Variants in ADCY1 observed in about 807,000 individuals in gnomAD.
ADCY1 encodes adenylate cyclase 1, also known as adenylate cyclase type 1.
In ADCY1, 28 loss-of-function variants were observed where a neutral mutation model predicts 105.4. The observed-to-expected ratio is 0.27, with a 90% CI of 0.20 to 0.36. ADCY1 has a LOEUF of 0.36. ADCY1 is among the 10% of genes least tolerant of loss of function. The pLI is 1.00. For synonymous variants in ADCY1, 655 were observed against 623.8 expected (o/e 1.05, Z -0.75); for missense variants, 977 against 1,434.2 (o/e 0.68, Z 5.15).
intron 3 of ADCY1, among the ~76,000 whole-genome samples, chr7:45,621,624 C>A (rs140629223): frequency 6.6e-6 from 1 of 152,294 alleles, no homozygotes; most frequent in Non-Finnish European, 1.5e-5. Context: ...GGATAGTTCC[C>A]TTGGAGTCCA....
At chr7:45,658,011 C>CA in intron 6 of ADCY1, 126 bp downstream of exon 6, 2 of 1,116,730 alleles carry the variant, frequency 1.8e-6, no homozygotes, top group Non-Finnish European at 2.5e-6. Context: ...CCTGGAGGAG[C>CA]CTGCCTGTCC....
chr7:45,711,926 TTA>T (rs1350087882), intron 19 of ADCY1, among the ~76,000 whole-genome samples: 1 of 121,468 alleles, frequency 8.2e-6, no homozygotes, highest in Non-Finnish European at 1.6e-5. Flanking sequence ...ATATTATATA[TTA>T]TATTAAATAT....
chr7:45,710,387 G>A lies in ADCY1; in HGVS notation c.2933-141G>A. On this transcript the variant is annotated intron_variant, in intron 18 of 19. Coordinates refer to ENST00000297323, the MANE Select transcript of ADCY1 (RefSeq NM_021116.4). The surrounding 1 kb of genome is among the most constrained non-coding windows in gnomAD (Gnocchi z 4.7). ...GTGATGCTTCAGGAAGGAGCCTGGT[G>A]CTAGGTGACCCCAGGAAACAAAGCC... The A allele has an allele frequency of 8.1e-7, 1 of 1,236,086 alleles. No individual in the cohort carries two copies. Among genetic ancestry groups the A allele is most frequent in the Non-Finnish European group, 1.1e-6 (1 of 897,456 alleles). The allele number at this position is 1,236,086 out of a possible 1,614,324, so 76.6% of individuals were successfully genotyped here. A position where few individuals can be genotyped will look rare whatever the true frequency, so the allele number is the denominator to read the frequency against.
chr7:45,679,533 A>G (rs993499896), intron 10 of ADCY1, among the ~76,000 whole-genome samples, 176 bp from the exon 11 acceptor site: 1 of 152,208 alleles, frequency 6.6e-6, no homozygotes, highest in Non-Finnish European at 1.5e-5. Context: ...GCCCTAAAAA[A>G]TAGAACCAGC....
At chr7:45,702,245 C>T (rs1015302633) in intron 14 of ADCY1, among the ~76,000 whole-genome samples, 16 of 152,214 alleles carry the variant, frequency 1.1e-4, no homozygotes, top group Non-Finnish European at 1.6e-4. Flanking sequence ...AACTAAGGGG[C>T]ATGCTGTCCC....
At chr7:45,576,663 C>T (rs1792356768) in intron 1 of ADCY1, among the ~76,000 whole-genome samples, 1 of 152,138 alleles carries the variant, frequency 6.6e-6, no homozygotes, top group Non-Finnish European at 1.5e-5. Context: ...CCTTATCAGT[C>T]TCAGGGGGCA....
chr7:45,663,301 G>A (rs555014164), intron 8 of ADCY1, among the ~76,000 whole-genome samples: 1 of 152,358 alleles, frequency 6.6e-6, no homozygotes, highest in Non-Finnish European at 1.5e-5. Flanking sequence ...TGCATGTGCC[G>A]TCTGTGACCT....
At chr7:45,654,599 G>A (rs972720885) in intron 5 of ADCY1, among the ~76,000 whole-genome samples, 26 of 152,198 alleles carry the variant, frequency 1.7e-4, no homozygotes, top group African/African-American at 5.8e-4. Context: ...TTAACAAGGG[G>A]GCTAGTGTGT....
intron 2 of ADCY1, among the ~76,000 whole-genome samples, chr7:45,593,317 G>A (rs981514826): frequency 2.2e-4 from 34 of 152,350 alleles, no homozygotes; most frequent in African/African-American, 7.9e-4. Flanking sequence ...CGACCCCAGA[G>A]CACGCTGGCA....
At chr7:45,636,357 G>A (rs1794398254) in intron 4 of ADCY1, among the ~76,000 whole-genome samples, 1 of 152,166 alleles carries the variant, frequency 6.6e-6, no homozygotes, top group Non-Finnish European at 1.5e-5. Context: ...TATGTAAATA[G>A]TTGTTATGCT....
In ADCY1 at chr7:45,689,769, G is replaced by A. The variant is rs532737087; in HGVS notation, c.2454+3096G>A. Among the ~76,000 whole-genome samples, 17 of 152,338 alleles carry A rather than the reference G, an allele frequency of 1.1e-4. No homozygotes were observed. In the South Asian group the frequency reaches 1.7e-3, roughly 15 times the overall value. ...TCCTCACGCCAGAAGGCCTGACTGCGGCCACAGTGGGTTTGAGAGGAAGCA... is the reference window on the plus strand; with the variant it reads ...TCCTCACGCCAGAAGGCCTGACTGCAGCCACAGTGGGTTTGAGAGGAAGCA... On this transcript the variant is annotated intron_variant, in intron 14 of 19. Coordinates refer to ENST00000297323, the MANE Select transcript of ADCY1 (RefSeq NM_021116.4).
chr7:45,680,307 T>C (rs939390483), intron 11 of ADCY1: 3 of 194,318 alleles, frequency 1.5e-5, no homozygotes, highest in African/African-American at 6.9e-5. Context: ...TCCAGGTACA[T>C]TGTGCTATCT....
In ADCY1 at chr7:45,710,525, T is replaced by C; in HGVS notation, c.2933-3T>C. 6.2e-7 allele frequency: 1 copy of C among 1,613,644 alleles called. No homozygotes were observed. The highest frequency in any genetic ancestry group is 8.5e-7 in the Non-Finnish European group (1 of 1,179,800). On this transcript the variant is annotated splice_polypyrimidine_tract_variant and splice_region_variant and intron_variant, in intron 18 of 19. Coordinates refer to ENST00000297323, the MANE Select transcript of ADCY1 (RefSeq NM_021116.4). The surrounding 1 kb of genome is among the most constrained non-coding windows in gnomAD (Gnocchi z 4.7). ...GACAGGTCATGCGCTGGCTGTTTTC[T>C]AGGCATCAATGTTGGCCCTGTGGTG...
intron 1 of ADCY1, among the ~76,000 whole-genome samples, chr7:45,576,828 CCCTGGGCAGGCCCAGGGATCCCAA>C (rs935357086): frequency 4.1e-4 from 63 of 152,260 alleles, no homozygotes; most frequent in Middle Eastern, 6.8e-3. Flanking sequence ...TGAGCTTGGT[CCCTGGGCAGGCCCAGGGATCCCAA>C]CCACACTGCA....
At chr7:45,630,082 C>G (rs542326322) in intron 4 of ADCY1, among the ~76,000 whole-genome samples, 1 of 152,244 alleles carries the variant, frequency 6.6e-6, no homozygotes, top group East Asian at 1.9e-4. Context: ...GGTGAAGTGT[C>G]TGTTGAAACC....
At chr7:45,636,866 T>G (rs1794410144) in intron 4 of ADCY1, among the ~76,000 whole-genome samples, 1 of 152,212 alleles carries the variant, frequency 6.6e-6, no homozygotes, top group Non-Finnish European at 1.5e-5. Flanking sequence ...ATTTGAAGTT[T>G]GTTCTTAGTT....
In ADCY1 at chr7:45,622,719, C is replaced by T. The variant is rs562336994; in HGVS notation, c.996C>T (p.Phe332=). 10 of 1,609,890 alleles carry T rather than the reference C, an allele frequency of 6.2e-6. No homozygotes were observed. The highest frequency in any genetic ancestry group is 5.5e-5 in the South Asian group (5 of 90,186). The part of the protein sequence containing the change: ...QELVKLLNEL[F]GKFDELATEN... ...TGGTGAAACTCCTCAATGAGCTCTT[C>T]GGCAAGTTCGATGAATTAGCCACGG... Residue 332 remains phenylalanine, a synonymous_variant, in exon 4 of 20, where the codon TTC becomes TTT. Coordinates refer to ENST00000297323, the MANE Select transcript of ADCY1 (RefSeq NM_021116.4).
At chr7:45,654,982 G>A (rs1316879836) in intron 5 of ADCY1, among the ~76,000 whole-genome samples, 2 of 152,200 alleles carry the variant, frequency 1.3e-5, no homozygotes, top group Admixed American at 1.3e-4. Flanking sequence ...GGAGGCTGCT[G>A]CAGGCGTGTG....
chr7:45,659,834 T>C lies in ADCY1; in HGVS notation c.1308-208T>C, dbSNP rs11976730. Among the ~76,000 whole-genome samples the C allele has an allele frequency of 0.016, 2,460 of 152,330 alleles. 56 individuals are homozygous for C. Among genetic ancestry groups the C allele is most frequent in the African/African-American group, 0.057 (2,354 of 41,574 alleles). On this transcript the variant is annotated intron_variant, in intron 6 of 19. Transcript: ENST00000297323. ...ACCTCAGCCATCCCTGCTGTCCTGC[T>C]GGGCATGGTTCCTGATGGCCCTACT...
Sources: gnomAD v4.1 joint callset for allele counts (sites outside exome capture counted in the v4.1 genomes callset) on GRCh38, gnomAD v4.1.1 for gene constraint, Gnocchi (gnomAD v3.1) non-coding constraint, MANE v1.5 for transcripts, NCBI Gene and HGNC (gene_info 2026-07-23, HGNC 2026-07-21) for gene names.